The following SGCG variants were observed in gnomAD, a reference collection of about 807,000 sequenced individuals.
The protein encoded by SGCG is sarcoglycan gamma.
SGCG carries 26 observed loss-of-function variants against 29.3 expected under a neutral mutation model. That is an observed-to-expected ratio of 0.89 (90% CI 0.65 to 1.23). The LOEUF (loss-of-function observed/expected upper bound fraction) is 1.23. Among genes scored for constraint, SGCG ranks in the 50% most tolerant of loss-of-function variants. SGCG has a pLI of 0.00. For synonymous variants in SGCG, 145 were observed against 129.7 expected (o/e 1.12, Z -0.80); for missense variants, 353 against 356.0 (o/e 0.99, Z 0.07).
the SGCG span, among the ~76,000 whole-genome samples, chr13:23,162,026 A>G: frequency 8.5e-5 from 13 of 152,396 alleles, no homozygotes; most frequent in East Asian, 2.3e-3. Flanking sequence ...TCAGAGCTAC[A>G]TAGCCTAGCT....
At chr13:23,173,192 T>G in the SGCG span, among the ~76,000 whole-genome samples, 2 of 152,150 alleles carry the variant, frequency 1.3e-5, no homozygotes, top group Non-Finnish European at 2.9e-5. Flanking sequence ...CAGGTAGCGC[T>G]GGGAAATCAT....
At chr13:23,297,913 T>C (rs1471949338) in intron 6 of SGCG, among the ~76,000 whole-genome samples, 1 of 151,938 alleles carries the variant, frequency 6.6e-6, no homozygotes, top group Non-Finnish European at 1.5e-5. Flanking sequence ...CCTGGCTAAT[T>C]TTTGTATTTT....
At chr13:23,176,892 A>T (rs1776560609), upstream of SGCG, among the ~76,000 whole-genome samples, 1 of 152,142 alleles carries the variant, frequency 6.6e-6, no homozygotes, top group Admixed American at 6.5e-5. Flanking sequence ...AGGAAATGAA[A>T]TCTGTATGTC....
chr13:23,200,178 T>C (rs1407733140), intron 1 of SGCG, among the ~76,000 whole-genome samples: 1 of 152,140 alleles, frequency 6.6e-6, no homozygotes, highest in African/African-American at 2.4e-5. Flanking sequence ...ATCCCAGCAC[T>C]TTGGGAGGCC....
intron 1 of SGCG, among the ~76,000 whole-genome samples, chr13:23,191,771 A>G (rs1877263408): frequency 6.6e-6 from 1 of 152,218 alleles, no homozygotes; most frequent in African/African-American, 2.4e-5. Context: ...CACATTCATC[A>G]TATGAAGGTA....
chr13:23,224,665 T>TACACACACACAC (rs60671278), intron 2 of SGCG, among the ~76,000 whole-genome samples: 22,774 of 142,000 alleles, frequency 0.16, 2,320 homozygotes, highest in African/African-American at 0.29. Context: ...AGGGCACACA[T>TACACACACACAC]ACACACACAC....
At chr13:23,190,950 C>A (rs1287517436) in intron 1 of SGCG, among the ~76,000 whole-genome samples, 1 of 152,128 alleles carries the variant, frequency 6.6e-6, no homozygotes, top group East Asian at 1.9e-4. Context: ...TTGATAATAA[C>A]CTTCAGAAAA....
chr13:23,249,725 A>G (rs1225066207), intron 3 of SGCG, among the ~76,000 whole-genome samples: 1 of 152,238 alleles, frequency 6.6e-6, no homozygotes, highest in African/African-American at 2.4e-5. Context: ...ATCAACAAAG[A>G]AAACTCAGAC....
chr13:23,174,427 A>G, the SGCG span, among the ~76,000 whole-genome samples: 1 of 152,242 alleles, frequency 6.6e-6, no homozygotes, highest in African/African-American at 2.4e-5. Flanking sequence ...GGTTAGTCAC[A>G]CGAGAAAGTC....
At chr13:23,179,926 C>T (rs372047220), upstream of SGCG, among the ~76,000 whole-genome samples, 54 of 152,206 alleles carry the variant, frequency 3.5e-4, no homozygotes, top group Middle Eastern at 3.4e-3. Context: ...GTTTGTTACA[C>T]AGATAAATTG....
At chr13:23,167,127 G>A in the SGCG span, among the ~76,000 whole-genome samples, 11,094 of 152,074 alleles carry the variant, frequency 0.073, 552 homozygotes, top group East Asian at 0.12. Flanking sequence ...TTTAGATGCC[G>A]CAAATAAGTG....
intron 3 of SGCG, chr13:23,244,948 A>G (rs1462941048): frequency 6.6e-6 from 1 of 152,236 alleles, no homozygotes; most frequent in Non-Finnish European, 1.5e-5. Flanking sequence ...TCCCCAGCAA[A>G]CACAGGTGCC....
chr13:23,250,700 C>T lies in SGCG; in HGVS notation c.368C>T (p.Thr123Ile), dbSNP rs1456701532. ...GCGCGCAACTCAGAAGGGGAGGTCA[C>T]AGGCAGGTTAAAAGTCGGTGAGTCC... ...VNARNSEGEVTGRLKVGPKMV... is the reference protein window; with the variant it reads ...VNARNSEGEVIGRLKVGPKMV... Residue 123 changes from threonine to isoleucine, a missense_variant, in exon 4 of 8, where the codon ACA (threonine) becomes ATA (isoleucine). Thr to Ile is a moderately conservative substitution (Grantham distance 89). Coordinates refer to ENST00000218867, the MANE Select transcript of SGCG (RefSeq NM_000231.3). 6.2e-7 allele frequency: 1 copy of T among 1,610,768 alleles called. No individual in the cohort carries two copies. Among genetic ancestry groups the T allele is most frequent in the South Asian group, 1.1e-5 (1 of 90,952 alleles).
chr13:23,203,988 T>C, intron 2 of SGCG, 99 bp downstream of exon 2: 2 of 910,282 alleles, frequency 2.2e-6, no homozygotes, highest in Non-Finnish European at 3.6e-6. Context: ...TAATTAACAT[T>C]CATTTCTTTG....
At chr13:23,314,230 C>T (rs576217905) in intron 6 of SGCG, among the ~76,000 whole-genome samples, 4 of 149,206 alleles carry the variant, frequency 2.7e-5, no homozygotes, top group Non-Finnish European at 4.4e-5. Context: ...AGAGATCTCA[C>T]AGTTGATTGG....
intron 6 of SGCG, among the ~76,000 whole-genome samples, chr13:23,302,197 T>C (rs1882187208): frequency 6.6e-6 from 1 of 151,604 alleles, no homozygotes; most frequent in South Asian, 2.1e-4. Context: ...TTTCCCAATA[T>C]ACACTACTTA....
chr13:23,194,365 G>A (rs7324002), intron 1 of SGCG, among the ~76,000 whole-genome samples: 69,884 of 151,920 alleles, frequency 0.46, 16,224 homozygotes, highest in Admixed American at 0.51. Context: ...TGCAAGTGAC[G>A]GAAACCCAAG....
At chr13:23,321,382 A>C (rs1883036214) in intron 7 of SGCG, among the ~76,000 whole-genome samples, 1 of 152,182 alleles carries the variant, frequency 6.6e-6, no homozygotes, top group Non-Finnish European at 1.5e-5. Flanking sequence ...GTGCATACAC[A>C]CCTCTGCTAA....
chr13:23,183,566 T>C (rs1876834880), intron 1 of SGCG, among the ~76,000 whole-genome samples: 1 of 152,206 alleles, frequency 6.6e-6, no homozygotes, highest in Non-Finnish European at 1.5e-5. Context: ...GTAAGGTCTA[T>C]GAAGGAAAGA....
Sources: gnomAD v4.1 joint callset for allele counts (sites outside exome capture counted in the v4.1 genomes callset) on GRCh38, gnomAD v4.1.1 for gene constraint, MANE v1.5 for transcripts, NCBI Gene and HGNC (gene_info 2026-07-23, HGNC 2026-07-21) for gene names.